Variants in PTPRT observed in about 807,000 individuals in gnomAD.
PTPRT encodes receptor-type tyrosine-protein phosphatase T.
Under a neutral mutation model 176.8 loss-of-function variants are expected in PTPRT, and 56 were observed. That is an observed-to-expected ratio of 0.32 (90% CI 0.26 to 0.40). The LOEUF is 0.40. PTPRT is among the 10% of genes least tolerant of loss of function. The pLI is 1.00. For missense variants in PTPRT, 1,540 were observed against 1,908.2 expected (o/e 0.81, Z 3.60); for synonymous variants, 783 against 739.0 (o/e 1.06, Z -0.96).
intron 1 of PTPRT, among the ~76,000 whole-genome samples, chr20:43,120,569 C>G (rs1009660652): frequency 1.3e-5 from 2 of 152,340 alleles, no homozygotes; most frequent in East Asian, 3.9e-4. Flanking sequence ...CCACACCCGG[C>G]CCAGATTCAG....
intron 7 of PTPRT, among the ~76,000 whole-genome samples, chr20:42,476,904 T>C (rs1292292824): frequency 6.6e-6 from 1 of 152,210 alleles, no homozygotes; most frequent in Non-Finnish European, 1.5e-5. Context: ...CAGTTACACA[T>C]GTATGCACAC....
At chr20:42,240,938 T>C (rs2056341772) in intron 14 of PTPRT, among the ~76,000 whole-genome samples, 1 of 152,236 alleles carries the variant, frequency 6.6e-6, no homozygotes, top group South Asian at 2.1e-4. Context: ...AGATCAATCA[T>C]GTGTCAGGTA....
chr20:43,116,471 T>A (rs1297155129), intron 1 of PTPRT, among the ~76,000 whole-genome samples: 1 of 151,986 alleles, frequency 6.6e-6, no homozygotes, highest in Non-Finnish European at 1.5e-5. Flanking sequence ...AGCCCAAGAG[T>A]TATTTATCAG....
intron 7 of PTPRT, among the ~76,000 whole-genome samples, chr20:42,559,896 G>T (rs762877745): frequency 6.6e-6 from 1 of 152,174 alleles, no homozygotes; most frequent in Non-Finnish European, 1.5e-5. Flanking sequence ...GAGGTGAGAA[G>T]TTTTTGAACT....
chr20:42,768,540 A>G (rs925870253), intron 5 of PTPRT, among the ~76,000 whole-genome samples: 2 of 152,136 alleles, frequency 1.3e-5, no homozygotes, highest in African/African-American at 2.4e-5. Flanking sequence ...TATCTCACAG[A>G]CATTGTGAAC....
At chr20:43,023,464 C>T (rs1365445591) in intron 1 of PTPRT, among the ~76,000 whole-genome samples, 1 of 152,138 alleles carries the variant, frequency 6.6e-6, no homozygotes, top group African/African-American at 2.4e-5. Context: ...AAATAGGTGG[C>T]CCATGCTGCC....
chr20:42,917,763 C>T (rs934450694), intron 1 of PTPRT, among the ~76,000 whole-genome samples: 4 of 152,132 alleles, frequency 2.6e-5, no homozygotes, highest in Non-Finnish European at 5.9e-5. Context: ...CAAAGTGCCT[C>T]CAGAAGTCAT....
chr20:42,662,737 T>C (rs1391628006), intron 7 of PTPRT, among the ~76,000 whole-genome samples: 1 of 152,174 alleles, frequency 6.6e-6, no homozygotes, highest in African/African-American at 2.4e-5. Context: ...TCCCTTACTC[T>C]ATTTGAACAC....
At chr20:42,108,024 T>C (rs2425478) in intron 23 of PTPRT, among the ~76,000 whole-genome samples, 34,237 of 150,406 alleles carry the variant, frequency 0.23, 4,527 homozygotes, top group Middle Eastern at 0.41. Flanking sequence ...TTGGCCTCTG[T>C]GTCTGGGAGG....
At chr20:42,190,468 G>C (rs1039577313) in intron 16 of PTPRT, among the ~76,000 whole-genome samples, 1 of 152,156 alleles carries the variant, frequency 6.6e-6, no homozygotes, top group Non-Finnish European at 1.5e-5. Context: ...AGGGAGGTGA[G>C]CTAGAGCCTT....
intron 6 of PTPRT, chr20:42,688,661 G>C (rs1460571694): frequency 6.6e-6 from 1 of 152,142 alleles, no homozygotes; most frequent in Non-Finnish European, 1.5e-5. Flanking sequence ...GGTACAAATT[G>C]CCCAAGGTCA....
intron 1 of PTPRT, among the ~76,000 whole-genome samples, chr20:42,988,423 G>A (rs753795736): frequency 1.7e-4 from 26 of 152,122 alleles, no homozygotes; most frequent in Non-Finnish European, 2.4e-4. Flanking sequence ...TGTGCTCCAC[G>A]GGTCTGCTCT....
intron 1 of PTPRT, among the ~76,000 whole-genome samples, chr20:43,130,914 A>AACAAGATC (rs2013626619): frequency 1.3e-5 from 2 of 152,246 alleles, no homozygotes. Flanking sequence ...GCCAAAGTAT[A>AACAAGATC]ACAAGATCAA....
At chr20:42,453,518 A>G (rs1271592881) in intron 8 of PTPRT, among the ~76,000 whole-genome samples, 2 of 152,052 alleles carry the variant, frequency 1.3e-5, no homozygotes, top group Non-Finnish European at 2.9e-5. Flanking sequence ...TGTGCCCACT[A>G]TCTGCTCTAA....
rs369595598 is a variant in PTPRT at position 42,080,967 on chromosome 20, G to A, written c.4273-35C>T. 5 of 1,502,568 alleles carry A rather than the reference G, an allele frequency of 3.3e-6. No homozygotes were observed. In the African/African-American group the frequency reaches 4.1e-5, roughly 12 times the overall value. 93.1% of individuals were successfully genotyped at this position (1,502,568 alleles called of 1,614,324 possible). Reference sequence around the variant, plus strand: ...GGAGAGGAGCAGAGGCAGAGAGGGAGAAGAGGAGACGAGAGAGATGAAAAA... The same window carrying A: ...GGAGAGGAGCAGAGGCAGAGAGGGAAAAGAGGAGACGAGAGAGATGAAAAA... On this transcript the variant is annotated intron_variant, in intron 30 of 30. Coordinates refer to ENST00000373187, the MANE Select transcript of PTPRT (RefSeq NM_007050.6).
In PTPRT at chr20:42,104,711, T is replaced by C; in HGVS notation, c.3398A>G (p.Tyr1133Cys). ...CAGGATGGCATCGTGCACAAACACATATTGCTCCTGCAAAGTCAGAAGAGA... is the reference window on the plus strand; with the variant it reads ...CAGGATGGCATCGTGCACAAACACACATTGCTCCTGCAAAGTCAGAAGAGA... ...RVNLVQTEEQ[Y>C]VFVHDAILEA... Residue 1133 changes from tyrosine to cysteine, a missense_variant, in exon 25 of 31, where the codon TAT (tyrosine) becomes TGT (cysteine). By Grantham distance (194) the Tyr-to-Cys change is radical (BLOSUM62 -2). This residue lies in a region of PTPRT where 248 missense variants were observed against 356.7 expected (regional missense o/e 0.70). Coordinates refer to ENST00000373187, the MANE Select transcript of PTPRT (RefSeq NM_007050.6). 6.3e-7 allele frequency: 1 copy of C among 1,579,530 alleles called. No individual in the cohort carries two copies. The highest frequency in any genetic ancestry group is 1.1e-5 in the South Asian group (1 of 90,370).
intron 1 of PTPRT, among the ~76,000 whole-genome samples, chr20:43,152,723 T>G (rs1236276548): frequency 6.6e-6 from 1 of 152,250 alleles, no homozygotes; most frequent in African/African-American, 2.4e-5. Context: ...TTAATTACCC[T>G]TGTAACCTCA....
intron 22 of PTPRT, 38 bp from the exon 23 acceptor site, chr20:42,110,525 C>T (rs1026608792): frequency 4.5e-6 from 7 of 1,547,506 alleles, no homozygotes; most frequent in South Asian, 1.2e-5. Flanking sequence ...CCAGCTGCTG[C>T]CCTCGCATAC....
At chr20:42,804,701 G>A (rs1476835501) in intron 2 of PTPRT, among the ~76,000 whole-genome samples, 2 of 152,202 alleles carry the variant, frequency 1.3e-5, no homozygotes, top group Non-Finnish European at 1.5e-5. Context: ...GGCCAGTGAG[G>A]GAGAATCTGT....
Sources: allele counts gnomAD v4.1 joint callset (sites outside exome capture counted in the v4.1 genomes callset), GRCh38; gene constraint gnomAD v4.1.1; regional missense constraint gnomAD v4.1.1; transcripts MANE v1.5; gene names NCBI Gene and HGNC (gene_info 2026-07-23, HGNC 2026-07-21).